The following CCDC190 variants were observed in gnomAD, a reference collection of about 807,000 sequenced individuals.
The protein encoded by CCDC190 is coiled-coil domain containing 190.
A neutral mutation model predicts 13.1 loss-of-function variants in CCDC190; 10 were observed. The ratio of observed to expected loss-of-function variants is 0.77; its 90% CI spans 0.47 to 1.30. The LOEUF (loss-of-function observed/expected upper bound fraction) is 1.30, where lower values mean the gene tolerates loss of function less well. CCDC190 is among the 50% of genes most tolerant of loss of function. The pLI is 0.00. For synonymous variants in CCDC190, 136 were observed against 127.2 expected, an observed-to-expected ratio of 1.07 and a Z score of -0.47; for missense variants, 375 against 354.3, an observed-to-expected ratio of 1.06 and a Z score of -0.47.
In CCDC190 at chr1:162,855,082, C is replaced by T. The variant is rs142193912; in HGVS notation, c.589G>A (p.Ala197Thr). 3.2e-4 allele frequency: 521 copies of T among 1,613,974 alleles called. No individual in the cohort carries two copies. The African/African-American group carries it at 6.2e-3, about 19-fold the overall frequency. ...GCACATGCCATTCCACTATCACTAG[C>T]TGGGCTGGAACTAGGACCTTGTTCT... ...TIEQGPSSSP[A>T]SDSGMACADE... Residue 197 changes from alanine (A) to threonine (T), a missense_variant, in exon 4 of 4, where the codon GCT becomes ACT. Ala to Thr is a moderately conservative substitution (Grantham distance 58, BLOSUM62 0). Coordinates refer to ENST00000367912, the MANE Select transcript of CCDC190 (RefSeq NM_001394065.1).
At chr1:162,861,966 G>A (rs994168108), upstream of CCDC190, among the ~76,000 whole-genome samples, 7 of 152,116 alleles carry the variant, frequency 4.6e-5, no homozygotes, top group South Asian at 1.3e-3. Flanking sequence ...AAGAGATTAC[G>A]AGGGGTGGCA....
At chr1:162,865,873 T>C (rs191684630), upstream of CCDC190, among the ~76,000 whole-genome samples, 45 of 152,294 alleles carry the variant, frequency 3.0e-4, no homozygotes, top group Admixed American at 1.6e-3. Flanking sequence ...TCTACTATTG[T>C]ATTAGAGGAC....
chr1:162,863,224 C>A (rs372878342), upstream of CCDC190, among the ~76,000 whole-genome samples: 69 of 152,202 alleles, frequency 4.5e-4, 1 homozygote, highest in African/African-American at 1.6e-3. Flanking sequence ...TGGAGTCACA[C>A]CCTTTTGTAG....
rs1255010403 is a variant in CCDC190, at chr1:162,855,653, G to A, written c.290C>T (p.Ala97Val). Residue 97 changes from alanine to valine, a missense_variant, in exon 3 of 4, where the codon GCC (alanine) becomes GTC (valine). Transcript: ENST00000367912. Reference sequence around the variant, plus strand: ...TTACCTCATTTTCTTAGCCTGTGGGGCTCTGTGCTTCTGCCTTCCCTGTGG... The same window carrying A: ...TTACCTCATTTTCTTAGCCTGTGGGACTCTGTGCTTCTGCCTTCCCTGTGG... ...FSPQGRQKHR[A>V]PQAKKMRALA... 3.7e-6 allele frequency: 6 copies of A among 1,613,654 alleles called. No homozygotes were observed. The African/African-American group carries it at 8.0e-5, about 22-fold the overall frequency.
chr1:162,862,933 G>A (rs1650570285), upstream of CCDC190, among the ~76,000 whole-genome samples: 1 of 151,610 alleles, frequency 6.6e-6, no homozygotes, highest in East Asian at 1.9e-4. Context: ...ATGTGAAACT[G>A]GAGCTTCAAA....
upstream of CCDC190, among the ~76,000 whole-genome samples, chr1:162,861,932 C>T (rs12024208): frequency 0.17 from 26,102 of 152,002 alleles, 2,262 homozygotes; most frequent in Middle Eastern, 0.21. Flanking sequence ...ACCACAATCA[C>T]TGCCCAGCAA....
At position 162,854,800 on chromosome 1, in the gene CCDC190, C is replaced by T; in HGVS notation, c.871G>A (p.Glu291Lys). 1 of 1,612,452 alleles carries T rather than the reference C, an allele frequency of 6.2e-7. No homozygotes were observed. The highest frequency in any genetic ancestry group is 8.5e-7 in the Non-Finnish European group (1 of 1,178,808). ...AGAAACTTAGAAGGCACCCTGTTTT[C>T]ACACTCCTTTCCTGCCCTGGATGAT... ...SSSSRAGKECENRVPSKFLPL is the reference protein window; with the variant it reads ...SSSSRAGKECKNRVPSKFLPL Residue 291 changes from glutamate (E) to lysine (K), a missense_variant, in exon 4 of 4, where the codon GAA becomes AAA. Physicochemically the swap from Glu to Lys is moderately conservative, Grantham distance 56 (BLOSUM62 1). Transcript: ENST00000367912.
Position 162,855,541 on chromosome 1 carries a change from C to T in CCDC190, c.311+91G>A, listed in dbSNP as rs553198862. The T allele has an allele frequency of 1.6e-4, 241 of 1,551,034 alleles. 1 individual carries two copies. The highest frequency in any genetic ancestry group is 1.4e-3 in the African/African-American group (103 of 72,822). On this transcript the variant is annotated intron_variant, in intron 3 of 3. Transcript: ENST00000367912. ...AAAATGTCTCACTTAAGAAGTGGAA[C>T]GGAGCATTTCTTCAGGAAAACAGTT...
At chr1:162,867,143 C>T (rs181069600) in intron 1 of CCDC190, among the ~76,000 whole-genome samples, 76 of 151,678 alleles carry the variant, frequency 5.0e-4, no homozygotes, top group African/African-American at 1.6e-3. Context: ...AAAAACACTA[C>T]GAGGGAAAAC....
In CCDC190 at chr1:162,854,826, G is replaced by A. The variant is rs1188334200; in HGVS notation, c.845C>T (p.Ser282Leu). The A allele has an allele frequency of 1.2e-6, 2 of 1,613,854 alleles. No homozygotes were observed. Among genetic ancestry groups the A allele is most frequent in the Non-Finnish European group, 1.7e-6 (2 of 1,179,874 alleles). Residue 282 changes from serine (S) to leucine (L), a missense_variant, in exon 4 of 4, where the codon TCA becomes TTA. Physicochemically the swap from Ser to Leu is moderately radical, Grantham distance 145. Transcript: ENST00000367912. ...IGEIFGHGES[S>L]SSRAGKECEN... ...ACACTCCTTTCCTGCCCTGGATGAT[G>A]AGGATTCCCCATGCCCAAATATCTC...
Position 162,852,565 on chromosome 1 carries a change from G to C in CCDC190, c.*2200C>G, listed in dbSNP as rs1158245218. On this transcript the variant is annotated 3_prime_UTR_variant, in exon 4 of 4. Transcript: ENST00000367912. The stretch of plus-strand genomic sequence containing the variant: ...CTAGGTGGTTAGAAGATTTTTAAAT[G>C]TATAATTTTTTGGCGATGCATGGAA... 1 of 152,700 alleles carries C rather than the reference G, an allele frequency of 6.5e-6. No individual in the cohort carries two copies. Among genetic ancestry groups the C allele is most frequent in the Non-Finnish European group, 1.5e-5 (1 of 68,396 alleles). 9.5% of individuals were successfully genotyped at this position (152,700 alleles called of 1,614,324 possible). A position where few individuals can be genotyped will look rare whatever the true frequency, so the allele number is the denominator to read the frequency against.
rs769872122 is a variant in CCDC190 at position 162,855,125 on chromosome 1, C to T, written c.546G>A (p.Glu182=). ...CTTGTTCTATGGTGTTGGTGGAAAC[C>T]TCTTGATTTTGGCATGGAACAGAGA... ...KGISVPCQNQ[E]VSTNTIEQGP... Residue 182 remains glutamate, a synonymous_variant, in exon 4 of 4, where the codon GAG becomes GAA. Coordinates refer to ENST00000367912, the MANE Select transcript of CCDC190 (RefSeq NM_001394065.1). 6.2e-7 allele frequency: 1 copy of T among 1,613,830 alleles called. No individual in the cohort carries two copies. The highest frequency in any genetic ancestry group is 1.1e-5 in the South Asian group (1 of 91,068).
chr1:162,853,487 A>T lies in CCDC190; in HGVS notation c.*1278T>A, dbSNP rs2102257020. On this transcript the variant is annotated 3_prime_UTR_variant, in exon 4 of 4. Transcript: ENST00000367912. Reference sequence around the variant, plus strand: ...CTATTTTTAAACACAAGGAATTCTAAATCTGAATTAAATGAAATGTTTTCA... The same window carrying T: ...CTATTTTTAAACACAAGGAATTCTATATCTGAATTAAATGAAATGTTTTCA... Among the ~76,000 whole-genome samples, 1 of 152,352 alleles carries T rather than the reference A, an allele frequency of 6.6e-6. No homozygotes were observed. The highest frequency in any genetic ancestry group is 2.1e-4 in the South Asian group (1 of 4,826).
chr1:162,860,839 G>A (rs1650484619), intron 1 of CCDC190, among the ~76,000 whole-genome samples, 169 bp downstream of exon 1: 1 of 152,118 alleles, frequency 6.6e-6, no homozygotes. Flanking sequence ...TTACAGGCAT[G>A]AGCCACCACA....
At chr1:162,863,340 G>T (rs558086867), upstream of CCDC190, among the ~76,000 whole-genome samples, 30 of 152,146 alleles carry the variant, frequency 2.0e-4, no homozygotes, top group African/African-American at 6.7e-4. Context: ...CTTTATCATA[G>T]GTTTTCTGAT....
At chr1:162,864,637 G>T (rs945765759), upstream of CCDC190, among the ~76,000 whole-genome samples, 1 of 152,012 alleles carries the variant, frequency 6.6e-6, no homozygotes, top group Non-Finnish European at 1.5e-5. Context: ...ACTGTTATAA[G>T]GTTCTTATAA....
Position 162,854,976 on chromosome 1 carries a change from C to T in CCDC190, c.695G>A (p.Cys232Tyr), listed in dbSNP as rs1226344887. ...GAACTCGCCTTCGAAGCTTCCTGCA[C>T]ATTCCATGTGTTTTGGGGGAATTTG... is the stretch of plus-strand genomic sequence containing the variant. ...GKQIPPKHME[C>Y]AGSFEGEFTK... The change falls in exon 4 of 4, where the codon TGT becomes TAT. Residue 232 changes from cysteine to tyrosine, a missense_variant. Physicochemically the swap from Cys to Tyr is radical, Grantham distance 194. Transcript: ENST00000367912. 5 of 1,613,904 alleles carry T rather than the reference C, an allele frequency of 3.1e-6. No homozygotes were observed. The Admixed American group carries it at 8.3e-5, about 27-fold the overall frequency.
At chr1:162,857,511 G>A (rs914423486) in intron 2 of CCDC190, among the ~76,000 whole-genome samples, 2 of 152,114 alleles carry the variant, frequency 1.3e-5, no homozygotes, top group Non-Finnish European at 2.9e-5. Flanking sequence ...TCACATGCCT[G>A]CAGTACTGAG....
intron 2 of CCDC190, among the ~76,000 whole-genome samples, chr1:162,857,781 G>A (rs1024238606): frequency 4.6e-5 from 7 of 152,114 alleles, no homozygotes; most frequent in African/African-American, 4.8e-5. Flanking sequence ...TTTTTTATAA[G>A]CGGAACTACT....
Sources: allele counts gnomAD v4.1 joint callset (sites outside exome capture counted in the v4.1 genomes callset), GRCh38; gene constraint gnomAD v4.1.1; transcripts MANE v1.5; gene names NCBI Gene and HGNC (gene_info 2026-07-23, HGNC 2026-07-21).